The following LVRN variants were observed in gnomAD, a reference collection of about 807,000 sequenced individuals.
LVRN encodes aminopeptidase Q.
In LVRN, 99 loss-of-function variants were observed where a neutral mutation model predicts 111.4. That is an observed-to-expected ratio of 0.89 (90% CI 0.76 to 1.05). The LOEUF is 1.05. Among genes scored for constraint, LVRN ranks in the 50% least tolerant of loss-of-function variants. The pLI is 0.00. For missense variants in LVRN, 1,414 were observed against 1,206.8 expected, an observed-to-expected ratio of 1.17 and a Z score of -2.54; for synonymous variants, 488 against 449.5, an observed-to-expected ratio of 1.09 and a Z score of -1.08.
intron 4 of LVRN, among the ~76,000 whole-genome samples, chr5:115,991,866 ACTG>A (rs1347899471): frequency 6.6e-6 from 1 of 152,178 alleles, no homozygotes; most frequent in African/African-American, 2.4e-5. Context: ...CTGTTTCTTT[ACTG>A]CTAAGTTGTA....
rs1433275510 is a variant in LVRN, at chr5:116,014,444, A to G, written c.2367A>G (p.Val789=). Residue 789 remains valine (V), a synonymous_variant, in exon 16 of 20, where the codon GTA becomes GTG. Coordinates refer to ENST00000357872, the MANE Select transcript of LVRN (RefSeq NM_173800.5). Reference sequence around the variant, plus strand: ...GAATATCACTGGAAAAACTTTTTGTAACTGCGTGTTGGTTGGGCCTTGAAG... The same window carrying G: ...GAATATCACTGGAAAAACTTTTTGTGACTGCGTGTTGGTTGGGCCTTGAAG... ...LALISLEKLF[V]TACWLGLEDC... is the part of the protein sequence containing the mutation. 5.0e-6 allele frequency: 8 copies of G among 1,611,866 alleles called. No individual in the cohort carries two copies. Among genetic ancestry groups the G allele is most frequent in the Non-Finnish European group, 5.9e-6 (7 of 1,178,932 alleles).
At position 116,025,870 on chromosome 5, in the gene LVRN, C is replaced by A. The variant is rs192710540; in HGVS notation, c.2833-108C>A. 3.6e-5 allele frequency: 51 copies of A among 1,422,778 alleles called. No homozygotes were observed. The African/African-American group carries it at 6.5e-4, about 18-fold the overall frequency. The allele number at this position is 1,422,778 out of a possible 1,614,324, so 88.1% of individuals were successfully genotyped here. A position where few individuals can be genotyped will look rare whatever the true frequency, so the allele number is the denominator to read the frequency against. On this transcript the variant is annotated intron_variant, in intron 19 of 19. Coordinates refer to ENST00000357872, the MANE Select transcript of LVRN (RefSeq NM_173800.5). ...GAGTATACATTTCTACTCATTCCAA[C>A]CATCATCACCAATTTACAAACTCAT...
Position 116,009,905 on chromosome 5 carries a change from G to C in LVRN, c.2094-836G>C, listed in dbSNP as rs187970243. 3.9e-5 allele frequency among the ~76,000 whole-genome samples: 6 copies of C among 152,328 alleles called. No individual in the cohort carries two copies. In the East Asian group the frequency reaches 9.6e-4, roughly 24 times the overall value. Reference sequence around the variant, plus strand: ...GTATACTTAGTTGTCAAAACAGCAAGCAGGATGTGTGAGGGGATTGACTCC... The same window carrying C: ...GTATACTTAGTTGTCAAAACAGCAACCAGGATGTGTGAGGGGATTGACTCC... On this transcript the variant is annotated intron_variant, in intron 13 of 19. Transcript: ENST00000357872.
At chr5:116,008,801 G>C (rs1258021986) in intron 13 of LVRN, among the ~76,000 whole-genome samples, 5 of 152,170 alleles carry the variant, frequency 3.3e-5, no homozygotes, top group Admixed American at 6.5e-5. Context: ...AGCTAGCAGA[G>C]GTTAGTTCAT....
chr5:116,013,720 T>A (rs1748539565), intron 15 of LVRN, among the ~76,000 whole-genome samples: 1 of 152,204 alleles, frequency 6.6e-6, no homozygotes, highest in Non-Finnish European at 1.5e-5. Flanking sequence ...TGGAAACTTA[T>A]GACCAATTTG....
Position 116,015,402 on chromosome 5 carries a change from C to T in LVRN, c.2601C>T (p.Asp867=), listed in dbSNP as rs372318164. 7.2e-6 allele frequency: 11 copies of T among 1,538,186 alleles called. No homozygotes were observed. The African/African-American group carries it at 1.4e-4, about 20-fold the overall frequency. The change falls in exon 17 of 20, where the codon GAC becomes GAT. Residue 867 remains aspartate (D), a synonymous_variant. Coordinates refer to ENST00000357872, the MANE Select transcript of LVRN (RefSeq NM_173800.5). ...CTTATGCAATGAGCTGCAGCAAAGACCCATGGATACTTAACAGGTGATTAT... is the reference window on the plus strand; with the variant it reads ...CTTATGCAATGAGCTGCAGCAAAGATCCATGGATACTTAACAGGTGATTAT... The part of the protein sequence containing the change: ...QLAYAMSCSK[D]PWILNRYMEY...
At chr5:115,974,044 G>A (rs868427505) in intron 1 of LVRN, among the ~76,000 whole-genome samples, 1 of 152,164 alleles carries the variant, frequency 6.6e-6, no homozygotes, top group South Asian at 2.1e-4. Context: ...ATTTTATCTA[G>A]CATTTCTGTT....
At chr5:115,964,917 C>A (rs534896463) in intron 1 of LVRN, among the ~76,000 whole-genome samples, 6 of 152,154 alleles carry the variant, frequency 3.9e-5, no homozygotes, top group African/African-American at 1.4e-4. Flanking sequence ...GGAAAAGACA[C>A]CTAAGGTTAA....
intron 13 of LVRN, among the ~76,000 whole-genome samples, chr5:116,006,657 C>T (rs1157952739): frequency 6.6e-6 from 1 of 152,168 alleles, no homozygotes; most frequent in Non-Finnish European, 1.5e-5. Flanking sequence ...TAGGACCAAT[C>T]ATGGTTACAT....
chr5:116,008,992 C>T (rs1748433268), intron 13 of LVRN, among the ~76,000 whole-genome samples: 1 of 152,190 alleles, frequency 6.6e-6, no homozygotes, highest in Admixed American at 6.5e-5. Flanking sequence ...GCCCTCTAGG[C>T]CTTTTATAGC....
chr5:115,994,617 A>G (rs1748065899), intron 6 of LVRN, among the ~76,000 whole-genome samples: 1 of 145,010 alleles, frequency 6.9e-6, no homozygotes, highest in African/African-American at 2.6e-5. Context: ...TGTGACTTTT[A>G]TGATAAGTAA....
intron 2 of LVRN, among the ~76,000 whole-genome samples, chr5:115,984,175 G>A (rs141708579): frequency 2.2e-4 from 33 of 152,266 alleles, no homozygotes; most frequent in African/African-American, 7.9e-4. Context: ...GTCTTAGTTT[G>A]AAACCTGAGA....
At chr5:116,017,275 G>C (rs1232560609) in intron 18 of LVRN, among the ~76,000 whole-genome samples, 1 of 152,198 alleles carries the variant, frequency 6.6e-6, no homozygotes, top group Non-Finnish European at 1.5e-5. Context: ...GGCTCAGAGA[G>C]AAGGACAGGG....
chr5:115,991,443 C>G (rs1175008595), intron 4 of LVRN, among the ~76,000 whole-genome samples: 1 of 152,166 alleles, frequency 6.6e-6, no homozygotes, highest in Non-Finnish European at 1.5e-5. Flanking sequence ...ATCTATTAGC[C>G]TATTTAAGGG....
At chr5:115,974,269 G>A (rs1310017595) in intron 1 of LVRN, among the ~76,000 whole-genome samples, 1 of 152,114 alleles carries the variant, frequency 6.6e-6, no homozygotes, top group Non-Finnish European at 1.5e-5. Flanking sequence ...ACATTACCAA[G>A]TTGTTCATAG....
intron 3 of LVRN, among the ~76,000 whole-genome samples, chr5:115,986,985 A>G (rs1580383682): frequency 6.6e-6 from 1 of 152,214 alleles, no homozygotes; most frequent in Non-Finnish European, 1.5e-5. Flanking sequence ...TTTAAGTTTT[A>G]TGCATGTTCT....
At position 116,026,273 on chromosome 5, in the gene LVRN, G is replaced by C; in HGVS notation, c.*155G>C. On this transcript the variant is annotated 3_prime_UTR_variant, in exon 20 of 20. Coordinates refer to ENST00000357872, the MANE Select transcript of LVRN (RefSeq NM_173800.5). ...AGTGCCATTCTTCTCATATTGTCAT[G>C]TTTGGCCCTGAGGGTGGGTGATTGC... 1 of 1,181,460 alleles carries C rather than the reference G, an allele frequency of 8.5e-7. No individual in the cohort carries two copies. The highest frequency in any genetic ancestry group is 1.5e-5 in the South Asian group (1 of 67,982). The allele number at this position is 1,181,460 out of a possible 1,614,324, so 73.2% of individuals were successfully genotyped here. A position where few individuals can be genotyped will look rare whatever the true frequency, so the allele number is the denominator to read the frequency against.
In LVRN at chr5:115,987,822, T is replaced by C; in HGVS notation, c.988T>C (p.Trp330Arg). 1 of 1,612,410 alleles carries C rather than the reference T, an allele frequency of 6.2e-7. No homozygotes were observed. The highest frequency in any genetic ancestry group is 8.5e-7 in the Non-Finnish European group (1 of 1,179,338). The change falls in exon 4 of 20, where the codon TGG becomes CGG. Residue 330 changes from tryptophan (W) to arginine (R), a missense_variant. Trp to Arg is a moderately radical substitution (Grantham distance 101). Coordinates refer to ENST00000357872, the MANE Select transcript of LVRN (RefSeq NM_173800.5). ...RTERGKEIRI[W>R]ARKDAIANGS... ...AACTGTTTTGATTTAGATACGCATCTGGGCCCGGAAAGATGCAATTGCAAA... is the reference window on the plus strand; with the variant it reads ...AACTGTTTTGATTTAGATACGCATCCGGGCCCGGAAAGATGCAATTGCAAA...
At chr5:116,015,554 T>A (rs1748586239) in intron 17 of LVRN, 74 bp from the exon 18 acceptor site, 1 of 1,522,062 alleles carries the variant, frequency 6.6e-7, no homozygotes. Flanking sequence ...CCATGGGATT[T>A]TGATTTTGTT....
Sources: gnomAD v4.1 joint callset for allele counts (sites outside exome capture counted in the v4.1 genomes callset) on GRCh38, gnomAD v4.1.1 for gene constraint, MANE v1.5 for transcripts, NCBI Gene and HGNC (gene_info 2026-07-23, HGNC 2026-07-21) for gene names.